SPIRE1: variants seen among roughly 807,000 people sequenced by gnomAD.
SPIRE1 encodes spire type actin nucleation factor 1.
Under a neutral mutation model 94.1 loss-of-function variants are expected in SPIRE1, and 40 were observed. That is an observed-to-expected ratio of 0.43 (90% CI 0.33 to 0.55). SPIRE1 has a LOEUF of 0.55. SPIRE1 is among the 20% of genes least tolerant of loss of function. The probability of loss-of-function intolerance (pLI) is 0.06; values close to 1 mark genes in which losing one functional copy is unlikely to be tolerated. For missense variants in SPIRE1, 838 were observed against 975.2 expected (o/e 0.86, Z 1.87); for synonymous variants, 376 against 371.7 (o/e 1.01, Z -0.13).
chr18:12,493,110 C>T lies in SPIRE1; in HGVS notation c.1151G>A (p.Arg384Gln), dbSNP rs1475654330. 11 of 1,613,480 alleles carry T rather than the reference C, an allele frequency of 6.8e-6. No individual in the cohort carries two copies. The South Asian group carries it at 8.8e-5, about 13-fold the overall frequency. Residue 384 changes from arginine to glutamine, a missense_variant, in exon 8 of 17, where the codon CGG becomes CAG. Physicochemically the swap from Arg to Gln is conservative, Grantham distance 43. This residue lies in a region of SPIRE1 where 645 missense variants were observed against 804.7 expected (regional missense o/e 0.80). Coordinates refer to ENST00000409402, the MANE Select transcript of SPIRE1 (RefSeq NM_001128626.2). ...TCTAATCTCCTCTGGTGATACAGGC[C>T]GCAGCTTTCTTTCTGCTTTAATTTC... ...LEEIKAERKLRPVSPEEIRRS... is the reference protein window; with the variant it reads ...LEEIKAERKLQPVSPEEIRRS...
chr18:12,623,235 G>C (rs950811850), intron 2 of SPIRE1, among the ~76,000 whole-genome samples: 46 of 150,964 alleles, frequency 3.0e-4, no homozygotes, highest in African/African-American at 1.1e-3. Flanking sequence ...CTCACTGCAA[G>C]CTCCACCTCC....
chr18:12,480,292 A>G (rs996785085), intron 9 of SPIRE1, among the ~76,000 whole-genome samples: 8 of 152,244 alleles, frequency 5.3e-5, no homozygotes, highest in African/African-American at 1.9e-4. Context: ...GAAAATAAAA[A>G]TGGCTAATAA....
chr18:12,482,114 C>G (rs1487203433), intron 9 of SPIRE1, among the ~76,000 whole-genome samples: 1 of 152,146 alleles, frequency 6.6e-6, no homozygotes, highest in African/African-American at 2.4e-5. Context: ...ATGCATACCA[C>G]TGCACAGAGG....
At chr18:12,491,845 G>A (rs1020686065) in intron 8 of SPIRE1, among the ~76,000 whole-genome samples, 4 of 152,156 alleles carry the variant, frequency 2.6e-5, no homozygotes, top group South Asian at 4.1e-4. Flanking sequence ...TGACAGCCTC[G>A]GCTGGGATAG....
Position 12,642,884 on chromosome 18 carries a change from T to C in SPIRE1, c.338-7788A>G, listed in dbSNP as rs370159054. Among the ~76,000 whole-genome samples the C allele has an allele frequency of 1.4e-4, 21 of 152,340 alleles. No individual in the cohort carries two copies. The East Asian group carries it at 4.0e-3, about 29-fold the overall frequency. ...CCAGCATGGCACATGTATACCTATG[T>C]AACAAACCTGCACATTCTGCACATG... On this transcript the variant is annotated intron_variant, in intron 1 of 16. Coordinates refer to ENST00000409402, the MANE Select transcript of SPIRE1 (RefSeq NM_001128626.2).
intron 2 of SPIRE1, among the ~76,000 whole-genome samples, chr18:12,591,320 T>G (rs1441226048): frequency 6.6e-6 from 1 of 152,174 alleles, no homozygotes; most frequent in African/African-American, 2.4e-5. Context: ...AGGCAGCTAG[T>G]GTGTCTGAAA....
At chr18:12,569,272 G>GGT (rs1474490290) in intron 2 of SPIRE1, among the ~76,000 whole-genome samples, 5 of 151,186 alleles carry the variant, frequency 3.3e-5, no homozygotes, top group African/African-American at 1.2e-4. Flanking sequence ...GAACCTGGGA[G>GGT]GGAGCTTGCA....
intron 9 of SPIRE1, among the ~76,000 whole-genome samples, chr18:12,483,780 A>G (rs185528130): frequency 6.6e-6 from 1 of 152,294 alleles, no homozygotes; most frequent in Admixed American, 6.5e-5. Flanking sequence ...TCTAACTCAG[A>G]AAATGCACTC....
At chr18:12,460,006 A>G (rs1427574732) in intron 12 of SPIRE1, 28 of 646,900 alleles carry the variant, frequency 4.3e-5, no homozygotes, top group Non-Finnish European at 5.2e-5. Flanking sequence ...CAAGTGACCT[A>G]CACATAGTGA....
intron 2 of SPIRE1, among the ~76,000 whole-genome samples, chr18:12,567,816 A>G (rs1342421991): frequency 6.6e-6 from 1 of 152,170 alleles, no homozygotes; most frequent in Non-Finnish European, 1.5e-5. Context: ...ATCAAGTTTG[A>G]GTTTTGTTTA....
Position 12,496,004 on chromosome 18 carries a change from C to T in SPIRE1, c.1059+12G>A, listed in dbSNP as rs58991139. The T allele has an allele frequency of 2.2e-3, 3,430 of 1,581,120 alleles. 61 individuals are homozygous for T. The African/African-American group carries it at 0.04, about 18-fold the overall frequency. ...ATATCTCCAATCTAGAGAACTATGTCGAATTACATACTGGATTTAAAGGAG... is the reference window on the plus strand; with the variant it reads ...ATATCTCCAATCTAGAGAACTATGTTGAATTACATACTGGATTTAAAGGAG... On this transcript the variant is annotated intron_variant, in intron 7 of 16. Coordinates refer to ENST00000409402, the MANE Select transcript of SPIRE1 (RefSeq NM_001128626.2).
intron 2 of SPIRE1, among the ~76,000 whole-genome samples, chr18:12,550,371 C>T (rs1598460917): frequency 1.3e-5 from 2 of 152,210 alleles, no homozygotes; most frequent in East Asian, 1.9e-4. Context: ...TTATGTAGTA[C>T]TTGTTTTTCT....
At chr18:12,508,347 A>G (rs2033909246) in intron 5 of SPIRE1, among the ~76,000 whole-genome samples, 1 of 152,172 alleles carries the variant, frequency 6.6e-6, no homozygotes, top group Non-Finnish European at 1.5e-5. Flanking sequence ...TATAAAAACC[A>G]TACCATTTCC....
rs375477861 is a variant in SPIRE1, at chr18:12,645,710, C to A, written c.338-10614G>T. Among the ~76,000 whole-genome samples the A allele has an allele frequency of 1.1e-4, 16 of 152,242 alleles. No individual in the cohort carries two copies. In the East Asian group the frequency reaches 3.1e-3, roughly 29 times the overall value. ...CCCAATTCAATACATCTACAAAGCC[C>A]CTACATTTATCTTTCTAAAAAGAGT... On this transcript the variant is annotated intron_variant, in intron 1 of 16. Coordinates refer to ENST00000409402, the MANE Select transcript of SPIRE1 (RefSeq NM_001128626.2).
At chr18:12,509,453 A>C (rs1287974848) in intron 5 of SPIRE1, among the ~76,000 whole-genome samples, 1 of 152,224 alleles carries the variant, frequency 6.6e-6, no homozygotes, top group Non-Finnish European at 1.5e-5. Context: ...TTTATTGGCC[A>C]AGATGATATA....
chr18:12,458,475 G>A (rs1005647941), intron 12 of SPIRE1, among the ~76,000 whole-genome samples: 2 of 151,918 alleles, frequency 1.3e-5, no homozygotes, highest in African/African-American at 4.8e-5. Flanking sequence ...TTAGCCGGGC[G>A]TGGTGGCAGA....
intron 2 of SPIRE1, among the ~76,000 whole-genome samples, chr18:12,553,088 C>T (rs1018309383): frequency 2.0e-5 from 3 of 152,190 alleles, no homozygotes. Flanking sequence ...GGTAGTACGC[C>T]ATGGACCTTG....
intron 6 of SPIRE1, among the ~76,000 whole-genome samples, chr18:12,503,607 G>A (rs574727422): frequency 1.3e-5 from 2 of 151,942 alleles, no homozygotes; most frequent in Non-Finnish European, 2.9e-5. Context: ...GATATGTTGG[G>A]TTTTTTTCCC....
intron 2 of SPIRE1, among the ~76,000 whole-genome samples, chr18:12,634,258 TAAAAA>T (rs71174115): frequency 1.4e-5 from 2 of 140,938 alleles, no homozygotes; most frequent in Non-Finnish European, 3.1e-5. Context: ...AAAATAAAAA[TAAAAA>T]AAAAAAAAAA....
Sources: allele counts gnomAD v4.1 joint callset (sites outside exome capture counted in the v4.1 genomes callset), GRCh38; gene constraint gnomAD v4.1.1; regional missense constraint gnomAD v4.1.1; transcripts MANE v1.5; gene names NCBI Gene and HGNC (gene_info 2026-07-23, HGNC 2026-07-21).